Variants in GRK7 observed in about 807,000 individuals in gnomAD.
GRK7 encodes the protein G protein-coupled receptor kinase 7.
In GRK7, 24 loss-of-function variants were observed where a neutral mutation model predicts 34.1. The observed-to-expected ratio is 0.70, with a 90% CI of 0.51 to 0.99. The LOEUF is 0.99. Ranked by LOEUF, GRK7 falls within the 50% of genes least tolerant of loss-of-function variation. The pLI, the probability that GRK7 is intolerant of heterozygous loss-of-function variation, is 0.00. For synonymous variants in GRK7, 256 were observed against 279.4 expected (o/e 0.92, Z 0.84); for missense variants, 644 against 707.3 (o/e 0.91, Z 1.02).
At chr3:141,757,315 C>T in the GRK7 span, among the ~76,000 whole-genome samples, 13 of 150,876 alleles carry the variant, frequency 8.6e-5, no homozygotes, top group Admixed American at 4.6e-4. Context: ...CCCCCCACCC[C>T]ACCACAGTCC....
chr3:141,775,968 T>C (rs1035078263), intron 2 of GRK7, among the ~76,000 whole-genome samples: 2 of 152,012 alleles, frequency 1.3e-5, no homozygotes, highest in African/African-American at 4.8e-5. Flanking sequence ...GCATTTTTTT[T>C]CCCCAGTGAT....
upstream of GRK7, among the ~76,000 whole-genome samples, chr3:141,760,062 T>A (rs1489731677): frequency 6.8e-6 from 1 of 147,624 alleles, no homozygotes; most frequent in African/African-American, 2.5e-5. Context: ...TCTTTATTAG[T>A]CTTGCTAGCG....
rs200924184 is a variant in GRK7 at position 141,807,825 on chromosome 3, G to C, written c.1231G>C (p.Glu411Gln). The C allele has an allele frequency of 6.2e-7, 1 of 1,613,868 alleles. No individual in the cohort carries two copies. The highest frequency in any genetic ancestry group is 1.1e-5 in the South Asian group (1 of 91,076). ...TCTGAAGCAAAGAACTCTGCAAGACGAGGTCAAATTCCAGCATGATAACTT... is the reference window on the plus strand; with the variant it reads ...TCTGAAGCAAAGAACTCTGCAAGACCAGGTCAAATTCCAGCATGATAACTT... ...EDLKQRTLQD[E>Q]VKFQHDNFTE... The change falls in exon 5 of 6, where the codon GAG becomes CAG. Residue 411 changes from glutamate to glutamine, a missense_variant. Glu to Gln is a conservative substitution (Grantham distance 29). Transcript: ENST00000682958.
chr3:141,762,048 G>C (rs1003271479), upstream of GRK7, among the ~76,000 whole-genome samples: 1 of 146,184 alleles, frequency 6.8e-6, no homozygotes, highest in Non-Finnish European at 1.5e-5. Context: ...CAACTTCTTT[G>C]CCTTTGGTTT....
At chr3:141,774,213 A>G (rs1331643876) in intron 1 of GRK7, among the ~76,000 whole-genome samples, 1 of 152,168 alleles carries the variant, frequency 6.6e-6, no homozygotes, top group Admixed American at 6.6e-5. Flanking sequence ...CAGATGGATT[A>G]CATGAGGCCA....
At chr3:141,769,893 G>T (rs2084609071) in intron 1 of GRK7, among the ~76,000 whole-genome samples, 1 of 152,056 alleles carries the variant, frequency 6.6e-6, no homozygotes, top group Non-Finnish European at 1.5e-5. Flanking sequence ...AAGTATTTTT[G>T]AAAAACCAAC....
At chr3:141,799,559 C>G (rs1342669148) in intron 4 of GRK7, among the ~76,000 whole-genome samples, 1 of 151,854 alleles carries the variant, frequency 6.6e-6, no homozygotes, top group Non-Finnish European at 1.5e-5. Flanking sequence ...TTGCAGTGAG[C>G]CAAGATCATG....
intron 4 of GRK7, among the ~76,000 whole-genome samples, chr3:141,784,502 G>A (rs76021941): frequency 0.033 from 5,056 of 152,130 alleles, 271 homozygotes; most frequent in African/African-American, 0.11. Context: ...AGAAAGGAAG[G>A]CCTCCTTTCT....
rs909180671 is a variant in GRK7 at position 141,819,002 on chromosome 3, A to G, written c.*1952A>G. Among the ~76,000 whole-genome samples, 13 of 151,936 alleles carry G rather than the reference A, an allele frequency of 8.6e-5. No individual in the cohort carries two copies. The highest frequency in any genetic ancestry group is 1.9e-4 in the Non-Finnish European group (13 of 67,988). On this transcript the variant is annotated 3_prime_UTR_variant, in exon 6 of 6. Transcript: ENST00000682958. The stretch of plus-strand genomic sequence containing the variant: ...CCAAATCCTAACCTAGGATGCTTAG[A>G]TTTCTGTGTCACCAAAGCAGGATAG...
upstream of GRK7, among the ~76,000 whole-genome samples, chr3:141,761,626 G>A (rs1321370712): frequency 8.0e-5 from 6 of 75,390 alleles, 1 homozygote. Context: ...GTATCTTTGT[G>A]GTGTTCTCTG....
At chr3:141,789,608 C>T (rs893240812) in intron 4 of GRK7, among the ~76,000 whole-genome samples, 2 of 139,892 alleles carry the variant, frequency 1.4e-5, no homozygotes, top group African/African-American at 2.9e-5. Context: ...AATGTGTTCC[C>T]CACAGGAAAA....
intron 4 of GRK7, among the ~76,000 whole-genome samples, chr3:141,785,572 T>C (rs2084692127): frequency 6.6e-6 from 1 of 152,162 alleles, no homozygotes; most frequent in South Asian, 2.1e-4. Context: ...GAGACCAGCC[T>C]GGCCAACATG....
At chr3:141,783,904 A>G (rs573674910) in intron 4 of GRK7, among the ~76,000 whole-genome samples, 1 of 152,170 alleles carries the variant, frequency 6.6e-6, no homozygotes, top group Admixed American at 6.5e-5. Flanking sequence ...GGACATTCCT[A>G]TGAACACAGG....
chr3:141,760,862 T>C (rs1391430053), upstream of GRK7, among the ~76,000 whole-genome samples: 1 of 81,142 alleles, frequency 1.2e-5, no homozygotes, highest in Admixed American at 1.3e-4. Flanking sequence ...CCCTTTACCA[T>C]TATGTAATGG....
rs538439376 is a variant in GRK7, at chr3:141,817,890, A to G, written c.*840A>G. On this transcript the variant is annotated 3_prime_UTR_variant, in exon 6 of 6. Transcript: ENST00000682958. ...ACAGCTTGACCATTTAGAATTTCAG[A>G]AGCTCCCCAGGTGATTCTAATGTGC... 2.6e-5 allele frequency: 4 copies of G among 152,264 alleles called. No homozygotes were observed. The East Asian group carries it at 7.7e-4, about 29-fold the overall frequency. 9.4% of individuals were successfully genotyped at this position (152,264 alleles called of 1,614,324 possible). A position where few individuals can be genotyped will look rare whatever the true frequency, so the allele number is the denominator to read the frequency against.
Position 141,803,309 on chromosome 3 carries a change from G to A in GRK7, c.1051-4336G>A, listed in dbSNP as rs1038070641. Among the ~76,000 whole-genome samples, 112 of 149,460 alleles carry A rather than the reference G, an allele frequency of 7.5e-4. 1 individual carries two copies. Among genetic ancestry groups the A allele is most frequent in the Non-Finnish European group, 5.5e-4 (37 of 67,720 alleles). ...AAGCCAGGCGTGGTGGTGCACGCCT[G>A]TAGTCCCAGCTATTCAGGAGCTGAG... On this transcript the variant is annotated intron_variant, in intron 4 of 5. Coordinates refer to ENST00000682958, the MANE Select transcript of GRK7 (RefSeq NM_139209.3).
chr3:141,773,138 A>T (rs2084623880), intron 1 of GRK7, among the ~76,000 whole-genome samples: 1 of 122,832 alleles, frequency 8.1e-6, no homozygotes, highest in Non-Finnish European at 1.5e-5. Context: ...TTTGTCTCAA[A>T]AAAAAAAAAA....
At chr3:141,815,321 G>A (rs761693677) in intron 5 of GRK7, among the ~76,000 whole-genome samples, 2 of 151,760 alleles carry the variant, frequency 1.3e-5, no homozygotes, top group Non-Finnish European at 2.9e-5. Flanking sequence ...GGTTTTAATT[G>A]ACTTTTATCT....
upstream of GRK7, among the ~76,000 whole-genome samples, chr3:141,760,304 G>C (rs1397097091): frequency 2.5e-5 from 3 of 120,862 alleles, no homozygotes; most frequent in Non-Finnish European, 5.2e-5. Flanking sequence ...CAGAGATTCT[G>C]GTATGTTGTG....
Sources: allele counts gnomAD v4.1 joint callset (sites outside exome capture counted in the v4.1 genomes callset), GRCh38; gene constraint gnomAD v4.1.1; transcripts MANE v1.5; gene names NCBI Gene and HGNC (gene_info 2026-07-23, HGNC 2026-07-21).